STK39: variants seen among roughly 807,000 people sequenced by gnomAD.
STK39 encodes serine/threonine kinase 39.
Under a neutral mutation model 77.8 loss-of-function variants are expected in STK39, and 20 were observed. That is an observed-to-expected ratio of 0.26 (90% CI 0.18 to 0.37). STK39 has a LOEUF of 0.37. Ranked by LOEUF, STK39 falls within the 10% of genes least tolerant of loss-of-function variation. The pLI, the probability that STK39 is intolerant of heterozygous loss-of-function variation, is 1.00. For synonymous variants in STK39, 246 were observed against 234.1 expected (o/e 1.05, Z -0.47); for missense variants, 479 against 656.5 (o/e 0.73, Z 2.95).
chr2:168,237,673 C>T (rs1690655619), intron 1 of STK39, among the ~76,000 whole-genome samples: 1 of 152,130 alleles, frequency 6.6e-6, no homozygotes. Flanking sequence ...GCCTGGGATT[C>T]TAAGGACTTT....
chr2:167,956,523 C>T (rs910512868), intron 17 of STK39, among the ~76,000 whole-genome samples: 1 of 150,122 alleles, frequency 6.7e-6, no homozygotes, highest in Non-Finnish European at 1.5e-5. Context: ...GAGATCGTGC[C>T]ACTGCACTCC....
intron 14 of STK39, among the ~76,000 whole-genome samples, chr2:168,055,253 C>T (rs1380298450): frequency 6.6e-6 from 1 of 152,160 alleles, no homozygotes; most frequent in Non-Finnish European, 1.5e-5. Context: ...ATAATTCCTC[C>T]TGAATAATGA....
intron 16 of STK39, among the ~76,000 whole-genome samples, chr2:167,965,134 A>C (rs901642270): frequency 6.8e-5 from 6 of 88,474 alleles, no homozygotes; most frequent in Non-Finnish European, 4.2e-5. Flanking sequence ...GAAAAAAAAA[A>C]CAAAAAAAAA....
chr2:168,084,270 GA>G (rs1686312873), intron 10 of STK39, among the ~76,000 whole-genome samples: 1 of 152,184 alleles, frequency 6.6e-6, no homozygotes, highest in African/African-American at 2.4e-5. Context: ...AGGCCTGAAA[GA>G]AATCAGCATG....
In STK39 at chr2:167,954,608, A is replaced by G. The variant is rs200938489; in HGVS notation, c.*888T>C. 1 of 152,668 alleles carries G rather than the reference A, an allele frequency of 6.6e-6. No individual in the cohort carries two copies. The highest frequency in any genetic ancestry group is 1.5e-5 in the Non-Finnish European group (1 of 68,046). The allele number at this position is 152,668 out of a possible 1,614,324, so 9.5% of individuals were successfully genotyped here. ...TTTACATAGCATTCTAAACGGTCCA[A>G]TGAAGCAAAACTTAACATATGCCAC... On this transcript the variant is annotated 3_prime_UTR_variant, in exon 18 of 18. Coordinates refer to ENST00000355999, the MANE Select transcript of STK39 (RefSeq NM_013233.3).
At chr2:168,227,306 AC>A (rs1690333387) in intron 1 of STK39, among the ~76,000 whole-genome samples, 1 of 152,258 alleles carries the variant, frequency 6.6e-6, no homozygotes, top group Admixed American at 6.5e-5. Context: ...TAAATATTAT[AC>A]ATTTGTAACT....
chr2:168,142,542 C>T (rs886202444), intron 5 of STK39, among the ~76,000 whole-genome samples: 5 of 152,114 alleles, frequency 3.3e-5, no homozygotes, highest in African/African-American at 1.2e-4. Flanking sequence ...GGTAAAAATC[C>T]ATAGTTAACA....
At chr2:168,085,052 G>A (rs998969542) in intron 10 of STK39, among the ~76,000 whole-genome samples, 13 of 152,146 alleles carry the variant, frequency 8.5e-5, no homozygotes, top group Non-Finnish European at 1.6e-4. Context: ...TTCACTAATG[G>A]AGTGAACCCA....
chr2:168,204,620 G>A (rs1388518077), intron 1 of STK39, among the ~76,000 whole-genome samples: 1 of 152,164 alleles, frequency 6.6e-6, no homozygotes, highest in African/African-American at 2.4e-5. Flanking sequence ...ACCAAGCATT[G>A]AGGTCTCTAG....
At chr2:168,242,022 C>G (rs184474470) in intron 1 of STK39, among the ~76,000 whole-genome samples, 1 of 152,140 alleles carries the variant, frequency 6.6e-6, no homozygotes, top group South Asian at 2.1e-4. Context: ...ATGTACTATA[C>G]AATAAACCAT....
At chr2:168,210,117 C>T (rs965325491) in intron 1 of STK39, among the ~76,000 whole-genome samples, 11 of 151,170 alleles carry the variant, frequency 7.3e-5, no homozygotes, top group African/African-American at 2.7e-4. Context: ...CCTCAATTCT[C>T]ACCCATGCTG....
At chr2:168,226,208 G>A (rs1019342363) in intron 1 of STK39, among the ~76,000 whole-genome samples, 10 of 152,170 alleles carry the variant, frequency 6.6e-5, no homozygotes, top group African/African-American at 2.2e-4. Context: ...CCAGAATAGT[G>A]AGGATCCAAA....
intron 17 of STK39, among the ~76,000 whole-genome samples, chr2:167,963,285 T>C (rs1189807815): frequency 1.3e-5 from 2 of 152,098 alleles, no homozygotes; most frequent in African/African-American, 4.8e-5. Flanking sequence ...TACCTAGAGA[T>C]TGTACAGCGG....
chr2:168,247,061 T>TAAAAA lies in STK39; in HGVS notation c.208+162_208+166dup, dbSNP rs755613797. 2.1e-3 allele frequency among the ~76,000 whole-genome samples: 186 copies of TAAAAA among 89,214 alleles called. 1 individual carries two copies. Among genetic ancestry groups the TAAAAA allele is most frequent in the African/African-American group, 4.4e-3 (95 of 21,698 alleles). The allele number at this position is 89,214 out of a possible 152,430, so 58.5% of individuals were successfully genotyped here. ...TAGAACGAACAAATACATTAAAAATTAAAAAAAAAAAAAAAAAAAAAAAAA... is the reference window on the plus strand; with the variant it reads ...TAGAACGAACAAATACATTAAAAATTAAAAAAAAAAAAAAAAAAAAAAAAAAAAAA... On this transcript the variant is annotated intron_variant, in intron 1 of 17. Coordinates refer to ENST00000355999, the MANE Select transcript of STK39 (RefSeq NM_013233.3).
intron 1 of STK39, among the ~76,000 whole-genome samples, chr2:168,235,975 T>C (rs920465538): frequency 6.6e-6 from 1 of 152,062 alleles, no homozygotes; most frequent in African/African-American, 2.4e-5. Context: ...TACCCAGTAA[T>C]GGAATGGCTG....
At chr2:168,056,316 C>A (rs1685524429) in intron 14 of STK39, among the ~76,000 whole-genome samples, 1 of 150,762 alleles carries the variant, frequency 6.6e-6, no homozygotes, top group African/African-American at 2.4e-5. Context: ...TTCCTACTTA[C>A]AAAATCAAGG....
chr2:168,065,650 A>G (rs1685773778), intron 12 of STK39, among the ~76,000 whole-genome samples: 1 of 152,180 alleles, frequency 6.6e-6, no homozygotes, highest in Non-Finnish European at 1.5e-5. Context: ...AACCCTCATT[A>G]TACTGTTAAA....
intron 1 of STK39, among the ~76,000 whole-genome samples, chr2:168,202,761 T>TA (rs553456641): frequency 0.037 from 5,350 of 145,290 alleles, 142 homozygotes; most frequent in Non-Finnish European, 0.052. Context: ...CTAGAGAGAT[T>TA]AAAAAAAAAA....
intron 5 of STK39, among the ~76,000 whole-genome samples, chr2:168,160,640 T>G (rs1179298394): frequency 6.6e-6 from 1 of 152,186 alleles, no homozygotes; most frequent in Non-Finnish European, 1.5e-5. Flanking sequence ...TAAGAAGGTT[T>G]GGTAACTTGC....
Sources: allele counts gnomAD v4.1 joint callset (sites outside exome capture counted in the v4.1 genomes callset), GRCh38; gene constraint gnomAD v4.1.1; transcripts MANE v1.5; gene names NCBI Gene and HGNC (gene_info 2026-07-23, HGNC 2026-07-21).